Variants in SIL1 observed in about 807,000 individuals in gnomAD.
SIL1 encodes the protein SIL1 nucleotide exchange factor.
In SIL1, 40 loss-of-function variants were observed where a neutral mutation model predicts 49.1. That is an observed-to-expected ratio of 0.81 (90% CI 0.63 to 1.06). The LOEUF is 1.06. Among genes scored for constraint, SIL1 ranks in the 50% least tolerant of loss-of-function variants. The pLI is 0.00. For missense variants in SIL1, 500 were observed against 572.6 expected, an observed-to-expected ratio of 0.87 and a Z score of 1.29; for synonymous variants, 253 against 250.8, an observed-to-expected ratio of 1.01 and a Z score of -0.08.
intron 3 of SIL1, among the ~76,000 whole-genome samples, chr5:139,070,830 T>C (rs561411322): frequency 5.3e-5 from 8 of 152,324 alleles, no homozygotes; most frequent in Admixed American, 3.3e-4. Flanking sequence ...ACCAAACATT[T>C]ATCCTGTCTT....
intron 1 of SIL1, among the ~76,000 whole-genome samples, chr5:139,196,185 ATC>A (rs1025339332): frequency 1.3e-5 from 2 of 152,154 alleles, no homozygotes; most frequent in Non-Finnish European, 2.9e-5. Context: ...GTGAGACCCC[ATC>A]TGAAAAATAA....
intron 1 of SIL1, among the ~76,000 whole-genome samples, chr5:139,141,001 C>T (rs1034741696): frequency 1.3e-5 from 2 of 152,148 alleles, no homozygotes; most frequent in Non-Finnish European, 2.9e-5. Flanking sequence ...ACAAGCAGAA[C>T]TGACACTGTC....
intron 7 of SIL1, among the ~76,000 whole-genome samples, chr5:138,988,473 T>C (rs1767688175): frequency 6.6e-6 from 1 of 152,200 alleles, no homozygotes; most frequent in East Asian, 1.9e-4. Context: ...AACAATCAAA[T>C]ACCTCCTTCG....
intron 3 of SIL1, among the ~76,000 whole-genome samples, chr5:139,054,364 C>T (rs1257549033): frequency 6.6e-6 from 1 of 152,200 alleles, no homozygotes; most frequent in Non-Finnish European, 1.5e-5. Context: ...GGGCTATGAT[C>T]ATGCCACTGC....
chr5:139,150,365 A>C (rs1194377627), intron 1 of SIL1, among the ~76,000 whole-genome samples: 3 of 152,054 alleles, frequency 2.0e-5, no homozygotes, highest in Non-Finnish European at 4.4e-5. Context: ...ACACGCTGGA[A>C]ACCCAAGAGC....
intron 3 of SIL1, among the ~76,000 whole-genome samples, chr5:139,082,773 G>A (rs560005763): frequency 6.6e-6 from 1 of 152,318 alleles, no homozygotes; most frequent in South Asian, 2.1e-4. Flanking sequence ...TTCCTCTAGA[G>A]ATCAGTAGGA....
In SIL1 at chr5:138,986,488, G is replaced by A. The variant is rs377360869; in HGVS notation, c.768-34604C>T. On this transcript the variant is annotated intron_variant, in intron 7 of 9. Transcript: ENST00000394817. ...TCCTGCATCAATGGTTTAAAAATGGGAACCGTCTGGTGCATACATCCAATC... is the reference window on the plus strand; with the variant it reads ...TCCTGCATCAATGGTTTAAAAATGGAAACCGTCTGGTGCATACATCCAATC... Among the ~76,000 whole-genome samples the A allele has an allele frequency of 7.9e-5, 12 of 152,304 alleles. No individual in the cohort carries two copies. In the South Asian group the frequency reaches 2.5e-3, roughly 32 times the overall value.
At chr5:139,117,994 C>G (rs1283161350) in intron 3 of SIL1, among the ~76,000 whole-genome samples, 1 of 152,208 alleles carries the variant, frequency 6.6e-6, no homozygotes, top group African/African-American at 2.4e-5. Context: ...CTAAGGACAA[C>G]ACAGCTGTGG....
At chr5:139,123,058 A>G (rs981988328) in intron 2 of SIL1, among the ~76,000 whole-genome samples, 1 of 152,206 alleles carries the variant, frequency 6.6e-6, no homozygotes, top group African/African-American at 2.4e-5. Flanking sequence ...CTTTGGGTAC[A>G]TGGTGGCTGC....
At chr5:139,081,818 G>A (rs1268836518) in intron 3 of SIL1, among the ~76,000 whole-genome samples, 4 of 152,070 alleles carry the variant, frequency 2.6e-5, no homozygotes, top group Non-Finnish European at 4.4e-5. Context: ...GGCAGAGGTT[G>A]CAGTGAGCTG....
rs368867955 is a variant in SIL1, at chr5:138,947,254, G to A, written c.1249C>T (p.Gln417Ter). The change falls in exon 10 of 10, where the codon CAG becomes TAG. Residue 417 changes from glutamine (Q) to a stop codon, truncating the protein, a stop_gained. Transcript: ENST00000394817. LOFTEE classifies it high-confidence loss of function. This position sits in a 1 kb window ranked among gnomAD's most constrained non-coding sequence, Gnocchi z 4.1. ...TCRDRYRQDP[Q>*]LGRTLASLQA... ...AGGCTGGCCAGTGTCCTGCCGAGCTGGGGGTCCTGACGGTAGCGGTCCCGG... is the reference window on the plus strand; with the variant it reads ...AGGCTGGCCAGTGTCCTGCCGAGCTAGGGGTCCTGACGGTAGCGGTCCCGG... 1.9e-6 allele frequency: 3 copies of A among 1,613,474 alleles called. No individual in the cohort carries two copies. The highest frequency in any genetic ancestry group is 2.7e-5 in the African/African-American group (2 of 74,920).
At chr5:138,954,058 G>C (rs903742597) in intron 7 of SIL1, among the ~76,000 whole-genome samples, 1 of 152,172 alleles carries the variant, frequency 6.6e-6, no homozygotes, top group Non-Finnish European at 1.5e-5. Context: ...CCAGGGCAAA[G>C]AGAAGTCCCT....
At chr5:139,154,569 C>T (rs1751371345) in intron 1 of SIL1, among the ~76,000 whole-genome samples, 1 of 152,236 alleles carries the variant, frequency 6.6e-6, no homozygotes, top group African/African-American at 2.4e-5. Context: ...GATTGAATCA[C>T]TGATAAGAAG....
intron 3 of SIL1, among the ~76,000 whole-genome samples, chr5:139,116,362 C>A (rs1305017923): frequency 6.6e-6 from 1 of 152,114 alleles, no homozygotes; most frequent in African/African-American, 2.4e-5. Context: ...AGGCTTCCTG[C>A]GTGCTCACAT....
At chr5:138,994,730 T>TACAGG (rs1184724495) in intron 7 of SIL1, among the ~76,000 whole-genome samples, 11 of 152,314 alleles carry the variant, frequency 7.2e-5, no homozygotes, top group African/African-American at 2.6e-4. Context: ...GGGACACACG[T>TACAGG]ACAGGACATG....
At chr5:139,103,109 A>T (rs1457629531) in intron 3 of SIL1, among the ~76,000 whole-genome samples, 2 of 152,160 alleles carry the variant, frequency 1.3e-5, no homozygotes, top group East Asian at 3.9e-4. Context: ...GGCGCTCAGT[A>T]AACAAGAAAG....
chr5:139,016,323 A>C (rs1001515987), intron 7 of SIL1, among the ~76,000 whole-genome samples: 3 of 152,230 alleles, frequency 2.0e-5, no homozygotes, highest in Admixed American at 2.0e-4. Flanking sequence ...TTGTGAAACA[A>C]TAATGAGTTC....
At position 139,051,045 on chromosome 5, in the gene SIL1, C is replaced by T; in HGVS notation, c.246G>A (p.Gly82=). 1 of 1,614,062 alleles carries T rather than the reference C, an allele frequency of 6.2e-7. No homozygotes were observed. The highest frequency in any genetic ancestry group is 8.5e-7 in the Non-Finnish European group (1 of 1,179,970). ...CGTGGGATCCTGCAGGGACAGCCTG[C>T]CCTAAAAGCCAAGAAGAGAAAAGGC... is the stretch of plus-strand genomic sequence containing the variant. The part of the protein sequence containing the change: ...PTHEWQALQP[G]QAVPAGSHVR... The change falls in exon 4 of 10, where the codon GGG becomes GGA. Residue 82 remains glycine, a splice_region_variant and synonymous_variant. Coordinates refer to ENST00000394817, the MANE Select transcript of SIL1 (RefSeq NM_022464.5).
chr5:139,065,232 G>A (rs920835645), intron 3 of SIL1, among the ~76,000 whole-genome samples: 5 of 152,066 alleles, frequency 3.3e-5, no homozygotes, highest in South Asian at 4.1e-4. Context: ...GTACCACATC[G>A]AAAACACCCA....
Sources: gnomAD v4.1 joint callset for allele counts (sites outside exome capture counted in the v4.1 genomes callset) on GRCh38, gnomAD v4.1.1 for gene constraint, Gnocchi (gnomAD v3.1) non-coding constraint, MANE v1.5 for transcripts, NCBI Gene and HGNC (gene_info 2026-07-23, HGNC 2026-07-21) for gene names.